The following SPAG6 variants were observed in gnomAD, a reference collection of about 807,000 sequenced individuals.
SPAG6 encodes sperm-associated antigen 6.
SPAG6 carries 49 observed loss-of-function variants against 58.5 expected under a neutral mutation model. That is an observed-to-expected ratio of 0.84 (90% CI 0.67 to 1.06). The LOEUF (loss-of-function observed/expected upper bound fraction) is 1.06. Among genes scored for constraint, SPAG6 ranks in the 50% least tolerant of loss-of-function variants. The pLI, the probability that SPAG6 is intolerant of heterozygous loss-of-function variation, is 0.00. For synonymous variants in SPAG6, 233 were observed against 225.6 expected (o/e 1.03, Z -0.29); for missense variants, 560 against 611.3 (o/e 0.92, Z 0.89).
At chr10:22,385,061 G>A (rs1834036514) in intron 4 of SPAG6, among the ~76,000 whole-genome samples, 1 of 151,588 alleles carries the variant, frequency 6.6e-6, no homozygotes, top group Non-Finnish European at 1.5e-5. Flanking sequence ...GCTTAAATAG[G>A]GACATATGAA....
intron 2 of SPAG6, among the ~76,000 whole-genome samples, chr10:22,359,962 T>C (rs1470943597): frequency 2.0e-5 from 3 of 152,228 alleles, no homozygotes; most frequent in Non-Finnish European, 4.4e-5. Context: ...AATATGTATA[T>C]AAATTATATG....
In SPAG6 at chr10:22,416,808, GA is replaced by G. The variant is rs1834876671; in HGVS notation, c.*121del. 1.1e-5 allele frequency: 6 copies of G among 559,400 alleles called. No individual in the cohort carries two copies. Among genetic ancestry groups the G allele is most frequent in the Non-Finnish European group, 1.9e-5 (6 of 310,558 alleles). 34.7% of individuals were successfully genotyped at this position (559,400 alleles called of 1,614,324 possible). A position where few individuals can be genotyped will look rare whatever the true frequency, so the allele number is the denominator to read the frequency against. On this transcript the variant is annotated 3_prime_UTR_variant, in exon 11 of 11. Transcript: ENST00000376624. ...ATTTATTTAATGGGAAATACCTTTAGATAATATTTTCTAAATTTATGTAATA... is the reference window on the plus strand; with the variant it reads ...ATTTATTTAATGGGAAATACCTTTAGTAATATTTTCTAAATTTATGTAATA...
At chr10:22,353,668 A>T (rs1311709051) in intron 2 of SPAG6, among the ~76,000 whole-genome samples, 1 of 152,224 alleles carries the variant, frequency 6.6e-6, no homozygotes, top group Non-Finnish European at 1.5e-5. Context: ...TATCAGATGG[A>T]TGTTTAGATG....
In SPAG6 at chr10:22,391,933, T is replaced by C; in HGVS notation, c.1197+13T>C. 1 of 1,582,758 alleles carries C rather than the reference T, an allele frequency of 6.3e-7. No homozygotes were observed. Among genetic ancestry groups the C allele is most frequent in the South Asian group, 1.1e-5 (1 of 89,414 alleles). ...TCTCCAAGTAAAAGTAAGTGCTTAA[T>C]TCTGTTTTATGAAGATTTTGGCTCA... On this transcript the variant is annotated intron_variant, in intron 8 of 10. Coordinates refer to ENST00000376624, the MANE Select transcript of SPAG6 (RefSeq NM_012443.4).
intron 2 of SPAG6, chr10:22,346,053 G>A: frequency 6.5e-7 from 1 of 1,534,828 alleles, no homozygotes; most frequent in Admixed American, 2.0e-5. Flanking sequence ...ACAGGCAAGT[G>A]TCAGGTTGAA....
intron 2 of SPAG6, among the ~76,000 whole-genome samples, chr10:22,356,524 A>T (rs1208477598): frequency 1.3e-5 from 2 of 152,202 alleles, no homozygotes; most frequent in East Asian, 3.8e-4. Flanking sequence ...GCCAAATTTG[A>T]TCTGACCCCA....
At position 22,380,871 on chromosome 10, in the gene SPAG6, GT is replaced by G. The variant is rs1441886180; in HGVS notation, c.473-5875del. Among the ~76,000 whole-genome samples, 6 of 151,778 alleles carry G rather than the reference GT, an allele frequency of 4.0e-5. 1 individual carries two copies. The highest frequency in any genetic ancestry group is 3.9e-4 in the Admixed American group (6 of 15,246). On this transcript the variant is annotated intron_variant, in intron 4 of 10. Transcript: ENST00000376624. The stretch of plus-strand genomic sequence containing the variant: ...TTTAAAGAGATTAAGTTCCAGAGGA[GT>G]TTTTTTTAATTAGTGTGCTGGATAC...
Position 22,345,627 on chromosome 10 carries a change from G to A in SPAG6, c.16G>A (p.Val6Met), listed in dbSNP as rs766880078. Residue 6 changes from valine to methionine, a missense_variant, in exon 1 of 11, where the codon GTG (valine) becomes ATG (methionine). Physicochemically the swap from Val to Met is conservative, Grantham distance 21. Coordinates refer to ENST00000376624, the MANE Select transcript of SPAG6 (RefSeq NM_012443.4). This position sits in a 1 kb window ranked among gnomAD's most constrained non-coding sequence, Gnocchi z 6.3. MSQRQ[V>M]LQVFEQYQKA... ...CGGGGGCGCCATGAGTCAGAGGCAG[G>A]TGCTGCAAGGTAGGGCCGAGGCGGG... is the stretch of plus-strand genomic sequence containing the variant. The A allele has an allele frequency of 6.5e-7, 1 of 1,539,630 alleles. No homozygotes were observed. Among genetic ancestry groups the A allele is most frequent in the South Asian group, 1.2e-5 (1 of 83,188 alleles).
intron 2 of SPAG6, chr10:22,360,844 T>G: frequency 6.5e-7 from 1 of 1,530,800 alleles, no homozygotes; most frequent in Non-Finnish European, 8.8e-7. Context: ...ACCATGGATC[T>G]CTGGATACCT....
chr10:22,386,851 C>T lies in SPAG6; in HGVS notation c.570C>T (p.Ala190=), dbSNP rs1484477889. ...CTTTGAAAAGGATTGCTGCTTCGGC[C>T]CTCAGTGATATTGCAAAGCATTCTC... ...EIALKRIAAS[A]LSDIAKHSPE... The change falls in exon 5 of 11, where the codon GCC becomes GCT. Residue 190 remains alanine (A), a synonymous_variant. Transcript: ENST00000376624. 1 of 1,613,590 alleles carries T rather than the reference C, an allele frequency of 6.2e-7. No individual in the cohort carries two copies. Among genetic ancestry groups the T allele is most frequent in the South Asian group, 1.1e-5 (1 of 91,064 alleles).
intron 2 of SPAG6, among the ~76,000 whole-genome samples, 182 bp from the exon 3 acceptor site, chr10:22,364,671 C>T (rs527516413): frequency 2.6e-5 from 4 of 152,250 alleles, no homozygotes; most frequent in African/African-American, 9.6e-5. Flanking sequence ...TAACAATGAT[C>T]GCTTGTATTA....
chr10:22,358,961 G>C (rs1032803755), intron 2 of SPAG6, among the ~76,000 whole-genome samples: 1 of 152,198 alleles, frequency 6.6e-6, no homozygotes, highest in Non-Finnish European at 1.5e-5. Flanking sequence ...GAGGCACAGA[G>C]ATGTTAAGTA....
intron 8 of SPAG6, among the ~76,000 whole-genome samples, chr10:22,394,025 T>A (rs1834239243): frequency 6.6e-6 from 1 of 152,204 alleles, no homozygotes; most frequent in Non-Finnish European, 1.5e-5. Flanking sequence ...TCTTTTGGAA[T>A]TTCTCTCATG....
intron 9 of SPAG6, among the ~76,000 whole-genome samples, chr10:22,408,831 T>A (rs1396164454): frequency 6.6e-6 from 1 of 152,220 alleles, no homozygotes; most frequent in East Asian, 1.9e-4. Context: ...TGGGATATAA[T>A]CTCCTGGTGC....
Position 22,345,648 on chromosome 10 carries a change from G to A in SPAG6, c.25+12G>A. ...GCAGGTGCTGCAAGGTAGGGCCGAG[G>A]CGGGCAGGTGCCCTAACTAGCTGGC... is the stretch of plus-strand genomic sequence containing the variant. On this transcript the variant is annotated intron_variant, in intron 1 of 10. Coordinates refer to ENST00000376624, the MANE Select transcript of SPAG6 (RefSeq NM_012443.4). The surrounding 1 kb of genome is among the most constrained non-coding windows in gnomAD (Gnocchi z 6.3). 1 of 1,551,912 alleles carries A rather than the reference G, an allele frequency of 6.4e-7. No homozygotes were observed. Among genetic ancestry groups the A allele is most frequent in the Non-Finnish European group, 8.7e-7 (1 of 1,149,466 alleles).
At chr10:22,389,125 G>A in intron 6 of SPAG6, 35 bp from the exon 7 acceptor site, 2 of 1,601,706 alleles carry the variant, frequency 1.2e-6, no homozygotes, top group African/African-American at 1.3e-5. Flanking sequence ...CCATCATAGG[G>A]TCCTGGTGAT....
intron 10 of SPAG6, among the ~76,000 whole-genome samples, chr10:22,414,350 G>C (rs576540347): frequency 2.0e-5 from 3 of 152,238 alleles, no homozygotes; most frequent in African/African-American, 7.2e-5. Context: ...GGAATTTCCT[G>C]GTCTTATCTG....
At chr10:22,381,474 G>A (rs972451133) in intron 4 of SPAG6, among the ~76,000 whole-genome samples, 4 of 149,626 alleles carry the variant, frequency 2.7e-5, no homozygotes, top group African/African-American at 9.8e-5. Flanking sequence ...ATGGTCCCTA[G>A]GCTTTTGCAC....
chr10:22,372,503 G>A (rs924754846), intron 4 of SPAG6, among the ~76,000 whole-genome samples: 1 of 152,162 alleles, frequency 6.6e-6, no homozygotes, highest in Non-Finnish European at 1.5e-5. Flanking sequence ...GGGTGAGGGA[G>A]GCCGCTGCAG....
Sources: gnomAD v4.1 joint callset for allele counts (sites outside exome capture counted in the v4.1 genomes callset) on GRCh38, gnomAD v4.1.1 for gene constraint, Gnocchi (gnomAD v3.1) non-coding constraint, MANE v1.5 for transcripts, NCBI Gene and HGNC (gene_info 2026-07-23, HGNC 2026-07-21) for gene names.